Variants in SRGAP2C observed in about 807,000 individuals in gnomAD.
The protein encoded by SRGAP2C is SLIT-ROBO Rho GTPase-activating protein 2C.
SRGAP2C carries 15 observed loss-of-function variants against 25.1 expected under a neutral mutation model. The ratio of observed to expected loss-of-function variants is 0.60; its 90% CI spans 0.40 to 0.92. The LOEUF is 0.92. Among genes scored for constraint, SRGAP2C ranks in the 40% least tolerant of loss-of-function variants. SRGAP2C has a pLI of 0.00. For synonymous variants in SRGAP2C, 44 were observed against 96.6 expected (o/e 0.46, Z 3.19); for missense variants, 144 against 264.4 (o/e 0.54, Z 3.16).
At chr1:121,324,433 G>A (rs1419588456) in intron 3 of SRGAP2C, 45 bp from the exon 4 acceptor site, 201 of 1,597,928 alleles carry the variant, frequency 1.3e-4, no homozygotes, top group Non-Finnish European at 1.7e-4. Flanking sequence ...TGTTGCCCTG[G>A]CTGTGTATCA....
intron 2 of SRGAP2C, among the ~76,000 whole-genome samples, chr1:121,277,972 G>T (rs1381516032): frequency 1.4e-5 from 2 of 143,778 alleles, no homozygotes; most frequent in Non-Finnish European, 1.5e-5. Flanking sequence ...ACAGGGTGTT[G>T]CTCTGTCACC....
At chr1:121,230,902 G>A (rs1553327445) in intron 2 of SRGAP2C, among the ~76,000 whole-genome samples, 1 of 150,148 alleles carries the variant, frequency 6.7e-6, no homozygotes, top group African/African-American at 2.5e-5. Flanking sequence ...GGATGAAGCT[G>A]GAAACCATTA....
chr1:121,357,630 G>A (rs1553347870), intron 4 of SRGAP2C, among the ~76,000 whole-genome samples: 1 of 126,702 alleles, frequency 7.9e-6, no homozygotes, highest in East Asian at 2.5e-4. Context: ...GCAACAGCAG[G>A]CATAAGGAAA....
intron 2 of SRGAP2C, among the ~76,000 whole-genome samples, chr1:121,192,445 G>T (rs1444616589): frequency 3.0e-4 from 46 of 151,244 alleles, no homozygotes; most frequent in African/African-American, 1.1e-3. Context: ...GAAACTCTTG[G>T]AAACTTTCAA....
intron 2 of SRGAP2C, among the ~76,000 whole-genome samples, chr1:121,238,708 G>C (rs1335892157): frequency 6.6e-6 from 1 of 151,364 alleles, no homozygotes; most frequent in Non-Finnish European, 1.5e-5. Flanking sequence ...CAGACTCCTG[G>C]GCTGAAGTGA....
intron 3 of SRGAP2C, among the ~76,000 whole-genome samples, chr1:121,320,735 GA>G (rs1658182873): frequency 1.3e-5 from 2 of 152,132 alleles, no homozygotes; most frequent in African/African-American, 4.8e-5. Flanking sequence ...ATGGAAAAAA[GA>G]AGATACTTTT....
chr1:121,230,791 C>T (rs1229275733), intron 2 of SRGAP2C, among the ~76,000 whole-genome samples: 2 of 152,090 alleles, frequency 1.3e-5, no homozygotes, highest in African/African-American at 2.4e-5. Flanking sequence ...AACCCAAATG[C>T]CCATCAATGA....
At chr1:121,226,397 GTTC>G (rs1655670927) in intron 2 of SRGAP2C, among the ~76,000 whole-genome samples, 1 of 149,842 alleles carries the variant, frequency 6.7e-6, no homozygotes, top group South Asian at 2.1e-4. Context: ...TGAACAGCAT[GTTC>G]TTGTTTATGT....
Position 121,385,180 on chromosome 1 carries a change from C to T in SRGAP2C, c.1057-1326C>T, listed in dbSNP as rs1370254536. Among the ~76,000 whole-genome samples, 4 of 137,660 alleles carry T rather than the reference C, an allele frequency of 2.9e-5. No homozygotes were observed. The East Asian group carries it at 6.6e-4, about 23-fold the overall frequency. 90.3% of individuals were successfully genotyped at this position (137,660 alleles called of 152,430 possible). A position where few individuals can be genotyped will look rare whatever the true frequency, so the allele number is the denominator to read the frequency against. ...GCCAAAGATTGGGTAGCATTTTGAC[C>T]GGAAGCCTTAAAATTGGCCAAGGTC... is the stretch of plus-strand genomic sequence containing the variant. On this transcript the variant is annotated intron_variant, in intron 8 of 9. Transcript: ENST00000367123.
chr1:121,303,316 A>G (rs1192665406), intron 3 of SRGAP2C, among the ~76,000 whole-genome samples: 1 of 118,764 alleles, frequency 8.4e-6, no homozygotes, highest in African/African-American at 3.2e-5. Context: ...GTGGATTATT[A>G]TTTTATTCAA....
intron 4 of SRGAP2C, among the ~76,000 whole-genome samples, chr1:121,343,476 C>T (rs1477675062): frequency 1.4e-5 from 2 of 145,518 alleles, no homozygotes; most frequent in Non-Finnish European, 3.0e-5. Context: ...GGCTTCCTAC[C>T]CAGGTTAGAT....
chr1:121,377,927 A>G (rs1489875812), intron 7 of SRGAP2C, among the ~76,000 whole-genome samples: 1 of 151,988 alleles, frequency 6.6e-6, no homozygotes, highest in African/African-American at 2.4e-5. Context: ...GTATGTACAC[A>G]CTTGTACATC....
rs1400713444 is a variant in SRGAP2C at position 121,239,269 on chromosome 1, ATATATATATATAC to A, written c.68-45521_68-45509del. On this transcript the variant is annotated intron_variant, in intron 2 of 9. Coordinates refer to ENST00000367123, the MANE Select transcript of SRGAP2C (RefSeq NM_001329984.2). ...TACTATATATATATATATATATACTATATATATATATACTATATATATATATATATACATGCAA... is the reference window on the plus strand; with the variant it reads ...TACTATATATATATATATATATACTATATATATATATATATATACATGCAA... Among the ~76,000 whole-genome samples, 17 of 2,518 alleles carry A rather than the reference ATATATATATATAC, an allele frequency of 6.8e-3. 3 individuals are homozygous for A. The highest frequency in any genetic ancestry group is 0.024 in the African/African-American group (3 of 126). The allele number at this position is 2,518 out of a possible 152,430, so 1.7% of individuals were successfully genotyped here. A position where few individuals can be genotyped will look rare whatever the true frequency, so the allele number is the denominator to read the frequency against.
chr1:121,346,647 T>A (rs1242358740), intron 4 of SRGAP2C, among the ~76,000 whole-genome samples: 2 of 152,216 alleles, frequency 1.3e-5, no homozygotes, highest in African/African-American at 4.8e-5. Context: ...CCAAAATCTA[T>A]AGAGGGTACA....
In SRGAP2C at chr1:121,267,889, T is replaced by A. The variant is rs587690432; in HGVS notation, c.68-16914T>A. Among the ~76,000 whole-genome samples the A allele has an allele frequency of 5.1e-4, 78 of 151,774 alleles. 3 individuals are homozygous for A. Among genetic ancestry groups the A allele is most frequent in the Non-Finnish European group, 9.0e-4 (61 of 67,850 alleles). ...AAGGAATAACTCTTGCTTATTTTTT[T>A]AAAAAAGTAAATACTCATTATAAAA... On this transcript the variant is annotated intron_variant, in intron 2 of 9. Coordinates refer to ENST00000367123, the MANE Select transcript of SRGAP2C (RefSeq NM_001329984.2).
At position 121,390,874 on chromosome 1, in the gene SRGAP2C, C is replaced by G. The variant is rs1338052567; in HGVS notation, c.*3019C>G. 6.6e-6 allele frequency: 1 copy of G among 150,806 alleles called. No individual in the cohort carries two copies. The highest frequency in any genetic ancestry group is 1.5e-5 in the Non-Finnish European group (1 of 67,820). 9.3% of individuals were successfully genotyped at this position (150,806 alleles called of 1,614,324 possible). A position where few individuals can be genotyped will look rare whatever the true frequency, so the allele number is the denominator to read the frequency against. Reference sequence around the variant, plus strand: ...TGGACAATGTGGTGAAACCCTGTCTCTACTAAAAACACAAAAATTAGCTGG... The same window carrying G: ...TGGACAATGTGGTGAAACCCTGTCTGTACTAAAAACACAAAAATTAGCTGG... On this transcript the variant is annotated 3_prime_UTR_variant, in exon 10 of 10. Transcript: ENST00000367123.
intron 3 of SRGAP2C, among the ~76,000 whole-genome samples, chr1:121,308,939 C>CAAA (rs1282103321): frequency 1.3e-4 from 4 of 30,694 alleles, no homozygotes; most frequent in Non-Finnish European, 2.1e-4. Context: ...AACTCTGTCT[C>CAAA]AAAAAAAAAA....
At chr1:121,222,195 C>T (rs1383176333) in intron 2 of SRGAP2C, among the ~76,000 whole-genome samples, 16 of 152,314 alleles carry the variant, frequency 1.1e-4, no homozygotes, top group African/African-American at 3.8e-4. Flanking sequence ...GATATGTGCT[C>T]ATGGTCACAC....
chr1:121,228,698 C>T (rs1655742116), intron 2 of SRGAP2C, among the ~76,000 whole-genome samples: 2 of 152,020 alleles, frequency 1.3e-5, no homozygotes, highest in Admixed American at 1.3e-4. Flanking sequence ...ATGGTCATTT[C>T]TTGTGAAGAT....
Sources: allele counts gnomAD v4.1 joint callset (sites outside exome capture counted in the v4.1 genomes callset), GRCh38; gene constraint gnomAD v4.1.1; transcripts MANE v1.5; gene names NCBI Gene and HGNC (gene_info 2026-07-23, HGNC 2026-07-21).